ARB2A: variants seen among roughly 807,000 people sequenced by gnomAD.
The protein encoded by ARB2A is cotranscriptional regulator ARB2A.
At chr5:93,634,042 C>A in the ARB2A span, among the ~76,000 whole-genome samples, 1 of 152,106 alleles carries the variant, frequency 6.6e-6, no homozygotes, top group Non-Finnish European at 1.5e-5. Flanking sequence ...GGATTACAGT[C>A]GTGAACCACT....
chr5:93,734,413 A>T, the ARB2A span: 4 of 152,210 alleles, frequency 2.6e-5, no homozygotes, highest in Non-Finnish European at 4.4e-5. Context: ...TTAAATTCTG[A>T]AACTGTAGAT....
the ARB2A span, among the ~76,000 whole-genome samples, chr5:93,638,535 G>A: frequency 6.6e-6 from 1 of 152,100 alleles, no homozygotes; most frequent in Admixed American, 6.6e-5. Flanking sequence ...AATGCAGGCT[G>A]GGCACGGTGG....
At chr5:93,717,668 G>A in the ARB2A span, among the ~76,000 whole-genome samples, 2 of 151,874 alleles carry the variant, frequency 1.3e-5, no homozygotes, top group South Asian at 4.2e-4. Context: ...GGTATAAACC[G>A]TGATATAAAA....
the ARB2A span, among the ~76,000 whole-genome samples, chr5:93,809,474 T>A: frequency 1.3e-5 from 2 of 152,192 alleles, no homozygotes. Context: ...CTTTCTACAT[T>A]GGTAAGATTT....
At chr5:93,789,493 C>T in the ARB2A span, among the ~76,000 whole-genome samples, 4 of 152,166 alleles carry the variant, frequency 2.6e-5, no homozygotes, top group African/African-American at 7.2e-5. Context: ...ATGCTGGTAC[C>T]TTTTCATAAT....
the ARB2A span, among the ~76,000 whole-genome samples, chr5:94,049,299 G>A: frequency 6.6e-6 from 1 of 152,200 alleles, no homozygotes; most frequent in Non-Finnish European, 1.5e-5. Context: ...TCAAAGACAA[G>A]TAGGTTAAAT....
the ARB2A span, among the ~76,000 whole-genome samples, chr5:93,978,061 T>C: frequency 8.5e-5 from 13 of 152,292 alleles, no homozygotes; most frequent in South Asian, 2.7e-3. Flanking sequence ...AAAGCCACTA[T>C]GAGATACCTT....
At chr5:93,967,448 T>C in the ARB2A span, among the ~76,000 whole-genome samples, 2 of 151,954 alleles carry the variant, frequency 1.3e-5, no homozygotes, top group African/African-American at 4.8e-5. Flanking sequence ...TCCCTGAAAA[T>C]GGAGAGAGAC....
chr5:93,876,778 C>T, the ARB2A span, among the ~76,000 whole-genome samples: 1 of 151,922 alleles, frequency 6.6e-6, no homozygotes, highest in Non-Finnish European at 1.5e-5. Context: ...ATAGAAATGA[C>T]TTCAATGGCA....
At chr5:93,892,882 T>C in the ARB2A span, among the ~76,000 whole-genome samples, 2 of 152,298 alleles carry the variant, frequency 1.3e-5, no homozygotes, top group South Asian at 4.1e-4. Context: ...CTTAGCATAC[T>C]TCCTCTGTCT....
the ARB2A span, among the ~76,000 whole-genome samples, chr5:93,854,551 G>T: frequency 6.6e-6 from 1 of 152,110 alleles, no homozygotes; most frequent in East Asian, 1.9e-4. Context: ...TGATGTTAGG[G>T]TGTCAATTTT....
chr5:93,969,545 A>G, the ARB2A span, among the ~76,000 whole-genome samples: 2 of 152,144 alleles, frequency 1.3e-5, no homozygotes, highest in Non-Finnish European at 1.5e-5. Context: ...AAGGAATTAG[A>G]GTCTGACTCA....
At chr5:94,031,526 G>A in the ARB2A span, among the ~76,000 whole-genome samples, 1 of 152,204 alleles carries the variant, frequency 6.6e-6, no homozygotes, top group Non-Finnish European at 1.5e-5. Context: ...ACAGCGAGAT[G>A]CTAGAGAAAG....
chr5:93,964,520 T>G, the ARB2A span: 1 of 1,576,178 alleles, frequency 6.3e-7, no homozygotes, highest in African/African-American at 1.4e-5. Flanking sequence ...TACTTCGTGA[T>G]GATCTAAGTA....
At chr5:94,051,431 G>C in the ARB2A span, among the ~76,000 whole-genome samples, 1 of 152,188 alleles carries the variant, frequency 6.6e-6, no homozygotes, top group African/African-American at 2.4e-5. Context: ...ACAGGTTCAG[G>C]CTATCAAATC....
chr5:93,627,059 C>G, the ARB2A span, among the ~76,000 whole-genome samples: 1 of 152,198 alleles, frequency 6.6e-6, no homozygotes, highest in Admixed American at 6.5e-5. Context: ...GGAATACATT[C>G]CATCTCAAGA....
chr5:93,764,033 G>A, the ARB2A span, among the ~76,000 whole-genome samples: 4 of 152,072 alleles, frequency 2.6e-5, no homozygotes, highest in East Asian at 1.9e-4. Flanking sequence ...AGAATCTCTC[G>A]GACACATTCA....
At chr5:94,086,455 CAT>C in the ARB2A span, among the ~76,000 whole-genome samples, 1 of 152,124 alleles carries the variant, frequency 6.6e-6, no homozygotes, top group African/African-American at 2.4e-5. Context: ...TATAAACAAA[CAT>C]ACTGCACTGC....
the ARB2A span, among the ~76,000 whole-genome samples, chr5:93,654,721 T>G: frequency 6.6e-6 from 1 of 152,214 alleles, no homozygotes; most frequent in African/African-American, 2.4e-5. Flanking sequence ...CCTGCAAAAC[T>G]TATCATTACT....
Sources: allele counts gnomAD v4.1 joint callset (sites outside exome capture counted in the v4.1 genomes callset), GRCh38; gene constraint gnomAD v4.1.1; transcripts MANE v1.5; gene names NCBI Gene and HGNC (gene_info 2026-07-23, HGNC 2026-07-21).